ETFA: variants seen among roughly 807,000 people sequenced by gnomAD.
The protein encoded by ETFA is electron transfer flavoprotein subunit alpha, mitochondrial.
In ETFA, 22 loss-of-function variants were observed where a neutral mutation model predicts 46.2. The observed-to-expected ratio is 0.48, with a 90% confidence interval of 0.34 to 0.68. The LOEUF (loss-of-function observed/expected upper bound fraction) is 0.68. ETFA is among the 30% of genes least tolerant of loss of function. The pLI, the probability that ETFA is intolerant of heterozygous loss-of-function variation, is 0.01. For missense variants in ETFA, 345 were observed against 401.1 expected (o/e 0.86, Z 1.19); for synonymous variants, 131 against 139.9 (o/e 0.94, Z 0.45).
intron 9 of ETFA, among the ~76,000 whole-genome samples, chr15:76,247,652 T>C (rs556520845): frequency 2.0e-5 from 3 of 152,382 alleles, no homozygotes; most frequent in East Asian, 3.9e-4. Flanking sequence ...GCATTCATCA[T>C]GTATCTTTAA....
intron 9 of ETFA, among the ~76,000 whole-genome samples, chr15:76,255,887 G>T (rs887181759): frequency 6.6e-6 from 1 of 151,858 alleles, no homozygotes; most frequent in African/African-American, 2.4e-5. Context: ...ATTCTTCATG[G>T]CCACATACTC....
At chr15:76,228,064 C>A in intron 10 of ETFA, 1 of 434,564 alleles carries the variant, frequency 2.3e-6, no homozygotes, top group Non-Finnish European at 4.7e-6. Context: ...TAACCTGCTT[C>A]ACGGCGATAA....
chr15:76,215,406 G>C lies in ETFA; in HGVS notation c.*1153C>G, dbSNP rs1294733103. 1 of 152,102 alleles carries C rather than the reference G, an allele frequency of 6.6e-6. No homozygotes were observed. The highest frequency in any genetic ancestry group is 2.4e-5 in the African/African-American group (1 of 41,410). The allele number at this position is 152,102 out of a possible 1,614,324, so 9.4% of individuals were successfully genotyped here. ...CTGATTGTGACACAAATCAGAAAGGGTTCACTAGTCAGCTGGGGAAGGGCC... is the reference window on the plus strand; with the variant it reads ...CTGATTGTGACACAAATCAGAAAGGCTTCACTAGTCAGCTGGGGAAGGGCC... On this transcript the variant is annotated 3_prime_UTR_variant, in exon 12 of 12. Transcript: ENST00000557943.
intron 9 of ETFA, chr15:76,261,640 T>TGGC: frequency 2.5e-6 from 1 of 393,754 alleles, no homozygotes; most frequent in South Asian, 4.0e-5. Flanking sequence ...CCAGCTGCTG[T>TGGC]GGCGGCAGCA....
intron 9 of ETFA, among the ~76,000 whole-genome samples, chr15:76,255,450 AG>A (rs1278806865): frequency 6.6e-6 from 1 of 152,246 alleles, no homozygotes; most frequent in Non-Finnish European, 1.5e-5. Flanking sequence ...AGTTGCTGAG[AG>A]ACTAATAAAG....
At position 76,259,269 on chromosome 15, in the gene ETFA, G is replaced by A. The variant is rs2039376927; in HGVS notation, c.816+15143C>T. 4 of 1,568,510 alleles carry A rather than the reference G, an allele frequency of 2.6e-6. No homozygotes were observed. In the South Asian group the frequency reaches 4.4e-5, roughly 17 times the overall value. ...GATGTATAAGGGGTCCTGGCTGGCG[G>A]ATAGCACAGACAGCTGGCCCAGAAT... On this transcript the variant is annotated intron_variant, in intron 9 of 11. Coordinates refer to ENST00000557943, the MANE Select transcript of ETFA (RefSeq NM_000126.4).
intron 2 of ETFA, among the ~76,000 whole-genome samples, chr15:76,294,641 C>T (rs2039799821): frequency 6.6e-6 from 1 of 152,158 alleles, no homozygotes. Flanking sequence ...ACTCTGCCAC[C>T]AAGGTTCAAG....
intron 9 of ETFA, among the ~76,000 whole-genome samples, chr15:76,266,384 G>A (rs999834494): frequency 3.3e-5 from 5 of 152,094 alleles, no homozygotes; most frequent in East Asian, 1.9e-4. Context: ...AACTTATGTC[G>A]GGAAAGCTAT....
At chr15:76,270,411 T>C (rs186709984) in intron 9 of ETFA, among the ~76,000 whole-genome samples, 1 of 152,322 alleles carries the variant, frequency 6.6e-6, no homozygotes, top group Admixed American at 6.5e-5. Flanking sequence ...TTTCAACATA[T>C]ACAACTGATA....
At position 76,216,305 on chromosome 15, in the gene ETFA, C is replaced by G. The variant is rs894182234; in HGVS notation, c.*254G>C. The G allele has an allele frequency of 4.8e-6, 2 of 419,318 alleles. No homozygotes were observed. Among genetic ancestry groups the G allele is most frequent in the African/African-American group, 4.1e-5 (2 of 48,502 alleles). The allele number at this position is 419,318 out of a possible 1,614,324, so 26.0% of individuals were successfully genotyped here. A position where few individuals can be genotyped will look rare whatever the true frequency, so the allele number is the denominator to read the frequency against. On this transcript the variant is annotated 3_prime_UTR_variant, in exon 12 of 12. Transcript: ENST00000557943. The stretch of plus-strand genomic sequence containing the variant: ...AGGCATATTTCTGATAGTTTTAAAG[C>G]TGTGGAAAAGCTTTATTATAGATTT...
chr15:76,287,885 T>C lies in ETFA; in HGVS notation c.412A>G (p.Ile138Val), dbSNP rs1567216400. ...EVAPISDIIA[I>V]KSPDTFVRTI... ...CTCACAAATGTGTCAGGTGACTTGA[T>C]TGCAATGATGTCAGAAATCGGGGCA... The change falls in exon 5 of 12, where the codon ATC (isoleucine) becomes GTC (valine). Residue 138 changes from isoleucine (I) to valine (V), a missense_variant. Physicochemically the swap from Ile to Val is conservative, Grantham distance 29. Coordinates refer to ENST00000557943, the MANE Select transcript of ETFA (RefSeq NM_000126.4). The C allele has an allele frequency of 6.2e-7, 1 of 1,614,026 alleles. No individual in the cohort carries two copies. The highest frequency in any genetic ancestry group is 1.3e-5 in the African/African-American group (1 of 75,044).
intron 9 of ETFA, among the ~76,000 whole-genome samples, chr15:76,245,717 C>T (rs1006467389): frequency 1.3e-5 from 2 of 152,054 alleles, no homozygotes; most frequent in Non-Finnish European, 2.9e-5. Context: ...TTGCACTAAG[C>T]GTAAGAACAC....
chr15:76,264,081 A>G (rs1259249023), intron 9 of ETFA, among the ~76,000 whole-genome samples: 1 of 152,232 alleles, frequency 6.6e-6, no homozygotes, highest in African/African-American at 2.4e-5. Context: ...ACCCAGCAAG[A>G]AGGACAGAAT....
At chr15:76,303,715 T>C (rs2039905851) in intron 1 of ETFA, among the ~76,000 whole-genome samples, 1 of 152,162 alleles carries the variant, frequency 6.6e-6, no homozygotes, top group African/African-American at 2.4e-5. Flanking sequence ...CATTAACTAA[T>C]CATTAGAGAA....
intron 1 of ETFA, among the ~76,000 whole-genome samples, chr15:76,305,859 G>GTGT: frequency 6.8e-6 from 1 of 146,632 alleles, no homozygotes; most frequent in South Asian, 2.2e-4. Flanking sequence ...AACCTCAATA[G>GTGT]TTGTTTTTTT....
At chr15:76,310,613 T>C (rs1361672740) in intron 1 of ETFA, among the ~76,000 whole-genome samples, 1 of 152,144 alleles carries the variant, frequency 6.6e-6, no homozygotes, top group East Asian at 1.9e-4. Flanking sequence ...AGAAATGTGG[T>C]TTGTCACTAA....
chr15:76,244,583 A>G (rs1022378872), intron 9 of ETFA, among the ~76,000 whole-genome samples: 8 of 152,184 alleles, frequency 5.3e-5, no homozygotes, highest in Non-Finnish European at 8.8e-5. Context: ...ATTTTCTAGT[A>G]AAGTGTCTCA....
rs1435628345 is a variant in ETFA, at chr15:76,276,632, TG to T, written c.734-2139del. On this transcript the variant is annotated intron_variant, in intron 8 of 11. Transcript: ENST00000557943. ...ACAGTTCAGGTTTTTTTGTTGTTGT[TG>T]TTTTTTTCTTTTTCTGGTTATTTTT... Among the ~76,000 whole-genome samples, 32 of 151,810 alleles carry T rather than the reference TG, an allele frequency of 2.1e-4. No individual in the cohort carries two copies. The South Asian group carries it at 6.2e-3, about 30-fold the overall frequency.
intron 8 of ETFA, among the ~76,000 whole-genome samples, chr15:76,279,498 A>C (rs1190716647): frequency 2.0e-5 from 3 of 152,084 alleles, no homozygotes; most frequent in Non-Finnish European, 4.4e-5. Flanking sequence ...GCTGGTCTCA[A>C]ACTCCTAGGC....
Sources: allele counts gnomAD v4.1 joint callset (sites outside exome capture counted in the v4.1 genomes callset), GRCh38; gene constraint gnomAD v4.1.1; transcripts MANE v1.5; gene names NCBI Gene and HGNC (gene_info 2026-07-23, HGNC 2026-07-21).